Variants in CFAP91 observed in about 807,000 individuals in gnomAD.
CFAP91 encodes the protein cilia and flagella associated protein 91.
In CFAP91, 85 loss-of-function variants were observed where a neutral mutation model predicts 95.9. The observed-to-expected ratio is 0.89, with a 90% CI of 0.74 to 1.06. CFAP91 has a LOEUF of 1.06. CFAP91 is among the 50% of genes least tolerant of loss of function. The pLI is 0.00. For synonymous variants in CFAP91, 335 were observed against 327.5 expected (o/e 1.02, Z -0.25); for missense variants, 962 against 943.4 (o/e 1.02, Z -0.26).
chr3:119,742,704 A>G (rs2054144177), intron 13 of CFAP91, among the ~76,000 whole-genome samples: 1 of 152,100 alleles, frequency 6.6e-6, no homozygotes, highest in South Asian at 2.1e-4. Context: ...TCTCCCTATT[A>G]TATAAGTAAA....
chr3:119,728,798 C>CT (rs1194045204), intron 7 of CFAP91, among the ~76,000 whole-genome samples: 1 of 152,162 alleles, frequency 6.6e-6, no homozygotes, highest in Non-Finnish European at 1.5e-5. Context: ...AACAGCTCCT[C>CT]TAAGGAAGGC....
At chr3:119,726,556 A>T (rs2053788552) in intron 7 of CFAP91, among the ~76,000 whole-genome samples, 1 of 152,182 alleles carries the variant, frequency 6.6e-6, no homozygotes, top group South Asian at 2.1e-4. Context: ...CTCCAAAAAC[A>T]TTAAAATGTA....
intron 4 of CFAP91, 95 bp from the exon 5 acceptor site, chr3:119,709,744 C>G: frequency 1.1e-6 from 1 of 938,872 alleles, no homozygotes; most frequent in Non-Finnish European, 1.7e-6. Flanking sequence ...TTTAAGCTCA[C>G]TGATTTTTAA....
At chr3:119,732,595 C>T in intron 9 of CFAP91, 119 bp downstream of exon 9, 1 of 720,390 alleles carries the variant, frequency 1.4e-6, no homozygotes, top group Non-Finnish European at 2.2e-6. Flanking sequence ...TTGCAATAAA[C>T]ACTGATGATA....
chr3:119,762,509 A>G (rs938980780), intron 17 of CFAP91, among the ~76,000 whole-genome samples: 1 of 152,118 alleles, frequency 6.6e-6, no homozygotes, highest in Admixed American at 6.6e-5. Flanking sequence ...TGGAACCATG[A>G]AAGACCCCAA....
intron 2 of CFAP91, 194 bp from the exon 3 acceptor site, chr3:119,707,210 T>C (rs1203738266): frequency 9.6e-6 from 5 of 519,334 alleles, no homozygotes; most frequent in Non-Finnish European, 1.0e-5. Context: ...CCCTACCCCC[T>C]CCACATAAAC....
At chr3:119,737,728 A>G (rs2054038124) in intron 11 of CFAP91, among the ~76,000 whole-genome samples, 6 of 152,390 alleles carry the variant, frequency 3.9e-5, no homozygotes. Flanking sequence ...ATGAAAAATC[A>G]GCATCAGAAG....
At chr3:119,747,339 C>G in intron 15 of CFAP91, 76 bp downstream of exon 15, 1 of 1,471,204 alleles carries the variant, frequency 6.8e-7, no homozygotes, top group African/African-American at 1.4e-5. Flanking sequence ...CAAGAGCTTA[C>G]AATTTCACCA....
chr3:119,757,333 G>C (rs2054451006), intron 17 of CFAP91, among the ~76,000 whole-genome samples: 1 of 152,080 alleles, frequency 6.6e-6, no homozygotes, highest in Non-Finnish European at 1.5e-5. Flanking sequence ...AGCAAGTGGA[G>C]AGAAAAAACA....
intron 6 of CFAP91, 139 bp downstream of exon 6, chr3:119,715,882 C>T (rs895455175): frequency 3.0e-6 from 2 of 676,308 alleles, no homozygotes; most frequent in Non-Finnish European, 5.2e-6. Context: ...TTCATAGACT[C>T]ATAATTTTTC....
chr3:119,732,218 G>C (rs528200165), intron 8 of CFAP91, 76 bp from the exon 9 acceptor site: 1 of 1,121,982 alleles, frequency 8.9e-7, no homozygotes. Context: ...AATAACACTA[G>C]CATTGGCTTA....
chr3:119,739,367 G>A (rs2054072774), intron 12 of CFAP91, 41 bp downstream of exon 12: 2 of 1,589,358 alleles, frequency 1.3e-6, no homozygotes, highest in Non-Finnish European at 1.7e-6. Flanking sequence ...TCTCTTTTGA[G>A]AATAAATTTT....
rs374317339 is a variant in CFAP91, at chr3:119,730,311, C to T, written c.952C>T (p.Arg318Trp). 13 of 1,613,886 alleles carry T rather than the reference C, an allele frequency of 8.1e-6. No homozygotes were observed. The highest frequency in any genetic ancestry group is 2.2e-5 in the East Asian group (1 of 44,894). ...NEVNMKHLNARWSKLQEGKEA... is the reference protein window; with the variant it reads ...NEVNMKHLNAWWSKLQEGKEA... Reference sequence around the variant, plus strand: ...AGTGAATATGAAGCACTTGAATGCCCGGTGGTCTAAACTGCAGGAGGGAAA... The same window carrying T: ...AGTGAATATGAAGCACTTGAATGCCTGGTGGTCTAAACTGCAGGAGGGAAA... Residue 318 changes from arginine to tryptophan, a missense_variant, in exon 8 of 18, where the codon CGG becomes TGG. Arg to Trp is a moderately radical substitution (Grantham distance 101). Transcript: ENST00000273390.
chr3:119,746,732 A>T (rs1321331279), intron 14 of CFAP91, among the ~76,000 whole-genome samples: 1 of 152,188 alleles, frequency 6.6e-6, no homozygotes, highest in Non-Finnish European at 1.5e-5. Context: ...GAGAGAAAGG[A>T]CACTGCAGAA....
Position 119,744,138 on chromosome 3 carries a change from G to A in CFAP91, c.1844G>A (p.Ser615Asn). Residue 615 changes from serine to asparagine, a missense_variant, in exon 14 of 18, where the codon AGT (serine) becomes AAT (asparagine). Ser to Asn is a conservative substitution (Grantham distance 46). Transcript: ENST00000273390. ...RQRRVREAEE[S>N]GRRQVEKQRL... ...CGGCGGGTACGAGAGGCTGAAGAGA[G>A]TGGTCGGCGCCAGGTGGAAAAACAG... is the stretch of plus-strand genomic sequence containing the variant. The A allele has an allele frequency of 6.2e-7, 1 of 1,614,046 alleles. No individual in the cohort carries two copies. Among genetic ancestry groups the A allele is most frequent in the Non-Finnish European group, 8.5e-7 (1 of 1,179,970 alleles).
chr3:119,738,730 C>G (rs188634926), intron 11 of CFAP91, among the ~76,000 whole-genome samples: 1 of 152,048 alleles, frequency 6.6e-6, no homozygotes, highest in Non-Finnish European at 1.5e-5. Context: ...AATCTTAATT[C>G]GATTTCCAGA....
chr3:119,755,506 CTT>C (rs1379260457), intron 17 of CFAP91, among the ~76,000 whole-genome samples: 2 of 152,282 alleles, frequency 1.3e-5, no homozygotes, highest in East Asian at 1.9e-4. Flanking sequence ...CTCTCTCTCT[CTT>C]CCTTTCTCCC....
In CFAP91 at chr3:119,703,118, T is replaced by C. The variant is rs1047649921; in HGVS notation, c.20T>C (p.Ile7Thr). Reference protein sequence around the residue: MSHAVTIEEPQAQPQVS... With the variant: MSHAVTTEEPQAQPQVS... ...GGCACCATGAGCCACGCAGTAACCA[T>C]CGAGGAGCCCCAGGCCCAGCCGCAG... The change falls in exon 1 of 18, where the codon ATC becomes ACC. Residue 7 changes from isoleucine (I) to threonine (T), a missense_variant. Coordinates refer to ENST00000273390, the MANE Select transcript of CFAP91 (RefSeq NM_033364.4). 1.7e-5 allele frequency: 27 copies of C among 1,563,418 alleles called. No homozygotes were observed. Among genetic ancestry groups the C allele is most frequent in the Non-Finnish European group, 2.0e-5 (23 of 1,153,458 alleles).
At chr3:119,704,297 T>C (rs1276482199) in intron 1 of CFAP91, among the ~76,000 whole-genome samples, 1 of 152,240 alleles carries the variant, frequency 6.6e-6, no homozygotes, top group Non-Finnish European at 1.5e-5. Flanking sequence ...AATGTTTCCA[T>C]GTCCCTTGCT....
Sources: allele counts gnomAD v4.1 joint callset (sites outside exome capture counted in the v4.1 genomes callset), GRCh38; gene constraint gnomAD v4.1.1; transcripts MANE v1.5; gene names NCBI Gene and HGNC (gene_info 2026-07-23, HGNC 2026-07-21).